The following TGFBI variants were observed in gnomAD, a reference collection of about 807,000 sequenced individuals.
The protein encoded by TGFBI is transforming growth factor-beta-induced protein ig-h3.
In TGFBI, 50 loss-of-function variants were observed where a neutral mutation model predicts 73.7. That is an observed-to-expected ratio of 0.68 (90% CI 0.54 to 0.86). The LOEUF (loss-of-function observed/expected upper bound fraction) is 0.86, where lower values mean the gene tolerates loss of function less well. Ranked by LOEUF, TGFBI falls within the 40% of genes least tolerant of loss-of-function variation. The pLI is 0.00. For missense variants in TGFBI, 839 were observed against 877.0 expected (o/e 0.96, Z 0.55); for synonymous variants, 362 against 360.5 (o/e 1.00, Z -0.05).
chr5:136,059,120 A>G lies in TGFBI; in HGVS notation c.1709A>G (p.Lys570Arg). Residue 570 changes from lysine (K) to arginine (R), a missense_variant, in exon 13 of 17, where the codon AAA becomes AGA. Lys to Arg is a conservative substitution (Grantham distance 26). Coordinates refer to ENST00000442011, the MANE Select transcript of TGFBI (RefSeq NM_000358.3). ...GDAKELANIL[K>R]YHIGDEILVS... is the part of the protein sequence containing the mutation. ...GCCAAGGAACTTGCCAACATCCTGA[A>G]ATACCACATTGGTGATGAAATCCTG... 1 of 1,611,784 alleles carries G rather than the reference A, an allele frequency of 6.2e-7. No homozygotes were observed. The highest frequency in any genetic ancestry group is 8.5e-7 in the Non-Finnish European group (1 of 1,179,106).
At position 136,054,022 on chromosome 5, in the gene TGFBI, T is replaced by C. The variant is rs1751583193; in HGVS notation, c.1206T>C (p.Asn402=). Residue 402 remains asparagine (N), a synonymous_variant, in exon 9 of 17, where the codon AAT becomes AAC. Coordinates refer to ENST00000442011, the MANE Select transcript of TGFBI (RefSeq NM_000358.3). ...TTTTCAGACAAGCCGGCCTCGGCAA[T>C]CATCTCTCTGGAAGTGAGCGGTTGA... ...IDLFRQAGLG[N]HLSGSERLTL... is the part of the protein sequence containing the mutation. 6.2e-7 allele frequency: 1 copy of C among 1,613,912 alleles called. No homozygotes were observed. Among genetic ancestry groups the C allele is most frequent in the South Asian group, 1.1e-5 (1 of 91,088 alleles).
chr5:136,062,899 C>T (rs1406752025), intron 16 of TGFBI, among the ~76,000 whole-genome samples: 1 of 152,154 alleles, frequency 6.6e-6, no homozygotes, highest in South Asian at 2.1e-4. Context: ...AGAGTAACAA[C>T]CTTTTAGGGT....
chr5:136,055,500 C>T (rs1442029974), intron 10 of TGFBI, 180 bp from the exon 11 acceptor site: 2 of 520,848 alleles, frequency 3.8e-6, no homozygotes. Flanking sequence ...TTAAGGAAGA[C>T]CATTTATTGT....
At chr5:136,058,319 G>T (rs1751686300) in intron 12 of TGFBI, among the ~76,000 whole-genome samples, 1 of 152,164 alleles carries the variant, frequency 6.6e-6, no homozygotes, top group African/African-American at 2.4e-5. Flanking sequence ...TAAGCCCTGG[G>T]GAAATTTAGC....
In TGFBI at chr5:136,056,714, C is replaced by T. The variant is rs756136153; in HGVS notation, c.1597C>T (p.Arg533Trp). 5.6e-6 allele frequency: 9 copies of T among 1,613,718 alleles called. No individual in the cohort carries two copies. Among genetic ancestry groups the T allele is most frequent in the African/African-American group, 2.7e-5 (2 of 74,858 alleles). ...TGCAGGACTGACGGAGACCCTCAAC[C>T]GGGAAGGAGTCTACACAGTCTTTGC... Reference protein sequence around the residue: ...QSAGLTETLNREGVYTVFAPT... With the variant: ...QSAGLTETLNWEGVYTVFAPT... The change falls in exon 12 of 17, where the codon CGG becomes TGG. Residue 533 changes from arginine to tryptophan, a missense_variant. By Grantham distance (101) the Arg-to-Trp change is moderately radical. Coordinates refer to ENST00000442011, the MANE Select transcript of TGFBI (RefSeq NM_000358.3).
chr5:136,054,142 C>T, intron 9 of TGFBI, 62 bp downstream of exon 9: 1 of 1,582,982 alleles, frequency 6.3e-7, no homozygotes, highest in Non-Finnish European at 8.6e-7. Context: ...ACCCCTGTCA[C>T]CTCCACAACA....
chr5:136,063,095 G>A (rs1751778710), intron 16 of TGFBI, 91 bp from the exon 17 acceptor site: 7 of 1,211,522 alleles, frequency 5.8e-6, no homozygotes, highest in African/African-American at 1.5e-5. Context: ...GAAGGAGGCT[G>A]CTTGGCCCTG....
intron 3 of TGFBI, among the ~76,000 whole-genome samples, 167 bp downstream of exon 3, chr5:136,044,289 G>T (rs928541161): frequency 5.9e-5 from 9 of 152,344 alleles, no homozygotes; most frequent in African/African-American, 2.2e-4. Context: ...AGGGGCTGAG[G>T]AATGGAAGCT....
chr5:136,061,554 T>C lies in TGFBI; in HGVS notation c.1961T>C (p.Phe654Ser), dbSNP rs766709594. Residue 654 changes from phenylalanine (F) to serine (S), a missense_variant, in exon 15 of 17, where the codon TTC becomes TCC. Phe to Ser is a radical substitution (Grantham distance 155, BLOSUM62 -2). Coordinates refer to ENST00000442011, the MANE Select transcript of TGFBI (RefSeq NM_000358.3). Reference sequence around the variant, plus strand: ...CTTGCAGACTCTGCGCTTGAGATCTTCAAACAAGCATCAGCGTTTTCCAGG... The same window carrying C: ...CTTGCAGACTCTGCGCTTGAGATCTCCAAACAAGCATCAGCGTTTTCCAGG... The part of the protein sequence containing the change: ...DELADSALEI[F>S]KQASAFSRAS... 1 of 1,613,262 alleles carries C rather than the reference T, an allele frequency of 6.2e-7. No homozygotes were observed. Among genetic ancestry groups the C allele is most frequent in the East Asian group, 2.2e-5 (1 of 44,872 alleles).
At chr5:136,035,855 C>T (rs746486568) in intron 2 of TGFBI, among the ~76,000 whole-genome samples, 8 of 152,070 alleles carry the variant, frequency 5.3e-5, no homozygotes, top group Non-Finnish European at 1.0e-4. Flanking sequence ...ATTCAAGTTT[C>T]TCTGAAAATG....
intron 2 of TGFBI, among the ~76,000 whole-genome samples, chr5:136,037,664 G>A (rs1357878510): frequency 6.6e-6 from 1 of 152,202 alleles, no homozygotes; most frequent in Non-Finnish European, 1.5e-5. Flanking sequence ...CATTTCACAA[G>A]TGCGAAGCCC....
At position 136,062,669 on chromosome 5, in the gene TGFBI, C is replaced by T; in HGVS notation, c.1993C>T (p.Gln665Ter). The change falls in exon 16 of 17, where the codon CAG becomes TAG. Residue 665 changes from glutamine (Q) to a stop codon, truncating the protein, a stop_gained. Coordinates refer to ENST00000442011, the MANE Select transcript of TGFBI (RefSeq NM_000358.3). LOFTEE classifies it high-confidence loss of function. ...ACCTTGTGTTTTCTTTCAGGCTTCCCAGAGGTCTGTGCGACTAGGTGAGTC... is the reference window on the plus strand; with the variant it reads ...ACCTTGTGTTTTCTTTCAGGCTTCCTAGAGGTCTGTGCGACTAGGTGAGTC... ...KQASAFSRAS[Q>*]RSVRLAPVYQ... 6.4e-7 allele frequency: 1 copy of T among 1,567,222 alleles called. No homozygotes were observed.
Position 136,056,737 on chromosome 5 carries a change from T to G in TGFBI, c.1620T>G (p.Phe540Leu). ...ACCGGGAAGGAGTCTACACAGTCTT[T>G]GCTCCCACAAATGAAGCCTTCCGAG... is the stretch of plus-strand genomic sequence containing the variant. ...TLNREGVYTV[F>L]APTNEAFRAL... The change falls in exon 12 of 17, where the codon TTT becomes TTG. Residue 540 changes from phenylalanine to leucine, a missense_variant. Transcript: ENST00000442011. 1 of 1,613,572 alleles carries G rather than the reference T, an allele frequency of 6.2e-7. No homozygotes were observed. The highest frequency in any genetic ancestry group is 8.5e-7 in the Non-Finnish European group (1 of 1,179,808).
At chr5:136,061,442 A>T in intron 14 of TGFBI, 58 bp from the exon 15 acceptor site, 2 of 1,300,714 alleles carry the variant, frequency 1.5e-6, no homozygotes, top group Middle Eastern at 1.8e-4. Context: ...CACGGTTGTT[A>T]TGAATGACAT....
intron 1 of TGFBI, among the ~76,000 whole-genome samples, chr5:136,029,640 G>A (rs1162497863): frequency 1.3e-5 from 2 of 152,192 alleles, no homozygotes; most frequent in Non-Finnish European, 2.9e-5. Flanking sequence ...GGCCACACAC[G>A]GTGGCAGCAT....
At position 136,029,135 on chromosome 5, in the gene TGFBI, A is replaced by G. The variant is rs1248923934; in HGVS notation, c.80A>G (p.Lys27Arg). 6 of 1,525,146 alleles carry G rather than the reference A, an allele frequency of 3.9e-6. No individual in the cohort carries two copies. The highest frequency in any genetic ancestry group is 5.2e-6 in the Non-Finnish European group (6 of 1,143,082). The allele number at this position is 1,525,146 out of a possible 1,614,324, so 94.5% of individuals were successfully genotyped here. Reference protein sequence around the residue: ...GPAATLAGPAKSPYQLVLQHS... With the variant: ...GPAATLAGPARSPYQLVLQHS... The stretch of plus-strand genomic sequence containing the variant: ...GCCGCGACCCTGGCGGGTCCCGCCA[A>G]GTCGCCCTACCAGCTGGTGCTGCAG... Residue 27 changes from lysine to arginine, a missense_variant, in exon 1 of 17, where the codon AAG becomes AGG. By Grantham distance (26) the Lys-to-Arg change is conservative. Coordinates refer to ENST00000442011, the MANE Select transcript of TGFBI (RefSeq NM_000358.3).
At position 136,055,770 on chromosome 5, in the gene TGFBI, C is replaced by G. The variant is rs121909212; in HGVS notation, c.1501C>G (p.Pro501Ala). 76 of 1,612,520 alleles carry G rather than the reference C, an allele frequency of 4.7e-5. 1 individual carries two copies. In the Middle Eastern group the frequency reaches 1.5e-3, roughly 31 times the overall value. The change falls in exon 11 of 17, where the codon CCA becomes GCA. Residue 501 changes from proline to alanine, a missense_variant. Pro to Ala is a conservative substitution (Grantham distance 27, BLOSUM62 -1). Coordinates refer to ENST00000442011, the MANE Select transcript of TGFBI (RefSeq NM_000358.3). ...CACGATGGACCGGGTGCTGACCCCC[C>G]CAATGGGGACTGTCATGGATGTCCT... is the stretch of plus-strand genomic sequence containing the variant. ...LFTMDRVLTP[P>A]MGTVMDVLKG...
At chr5:136,033,716 G>C in intron 1 of TGFBI, 47 bp from the exon 2 acceptor site, 1 of 1,527,480 alleles carries the variant, frequency 6.5e-7, no homozygotes, top group Non-Finnish European at 9.1e-7. Flanking sequence ...ATTAAAGTGG[G>C]GTGGACGTGC....
At chr5:136,032,542 G>A (rs1277265618) in intron 1 of TGFBI, among the ~76,000 whole-genome samples, 1 of 152,248 alleles carries the variant, frequency 6.6e-6, no homozygotes, top group African/African-American at 2.4e-5. Context: ...AGTGATGTCT[G>A]TGGATGGCAT....
Sources: gnomAD v4.1 joint callset for allele counts (sites outside exome capture counted in the v4.1 genomes callset) on GRCh38, gnomAD v4.1.1 for gene constraint, MANE v1.5 for transcripts, NCBI Gene and HGNC (gene_info 2026-07-23, HGNC 2026-07-21) for gene names.